MUSK: variants seen among roughly 807,000 people sequenced by gnomAD.
The protein encoded by MUSK is muscle, skeletal receptor tyrosine-protein kinase.
A neutral mutation model predicts 88.7 loss-of-function variants in MUSK; 55 were observed. The observed-to-expected ratio is 0.62, with a 90% CI of 0.50 to 0.78. The LOEUF is 0.78. Among genes scored for constraint, MUSK ranks in the 30% least tolerant of loss-of-function variants. The pLI is 0.00. For missense variants in MUSK, 1,015 were observed against 1,074.3 expected, an observed-to-expected ratio of 0.94 and a Z score of 0.77; for synonymous variants, 387 against 391.9, an observed-to-expected ratio of 0.99 and a Z score of 0.15.
rs773129976 is a variant in MUSK, at chr9:110,800,999, G to A, written c.*11G>A. The A allele has an allele frequency of 1.0e-5, 15 of 1,500,412 alleles. No individual in the cohort carries two copies. The highest frequency in any genetic ancestry group is 1.8e-4 in the Middle Eastern group (1 of 5,570). 92.9% of individuals were successfully genotyped at this position (1,500,412 alleles called of 1,614,324 possible). Reference sequence around the variant, plus strand: ...ACTGTGAGTGTCTAAGGTTGAAGACGTTCAAATAAAATGCTGCAGTTTCCT... The same window carrying A: ...ACTGTGAGTGTCTAAGGTTGAAGACATTCAAATAAAATGCTGCAGTTTCCT... On this transcript the variant is annotated 3_prime_UTR_variant, in exon 15 of 15. Transcript: ENST00000374448.
intron 14 of MUSK, among the ~76,000 whole-genome samples, chr9:110,797,320 G>A (rs2078024769): frequency 6.6e-6 from 1 of 151,886 alleles, no homozygotes; most frequent in Admixed American, 6.6e-5. Flanking sequence ...GGGGTCAAAG[G>A]ATTTTTAGAG....
At chr9:110,748,109 C>T (rs2077199518) in intron 7 of MUSK, 1 of 457,488 alleles carries the variant, frequency 2.2e-6, no homozygotes. Context: ...TTCCTCCCTC[C>T]CTCCTTCCCT....
Position 110,668,828 on chromosome 9 carries a change from T to G in MUSK, c.-77T>G. On this transcript the variant is annotated 5_prime_UTR_variant, in exon 1 of 15. Coordinates refer to ENST00000374448, the MANE Select transcript of MUSK (RefSeq NM_005592.4). The stretch of plus-strand genomic sequence containing the variant: ...ACAACCCTTTTGCAACAAAGTATGC[T>G]TTAAAATGTAAACTGTGGAGCCATT... 1 of 1,166,096 alleles carries G rather than the reference T, an allele frequency of 8.6e-7. No homozygotes were observed. Among genetic ancestry groups the G allele is most frequent in the Non-Finnish European group, 1.3e-6 (1 of 776,990 alleles). 72.2% of individuals were successfully genotyped at this position (1,166,096 alleles called of 1,614,324 possible). A position where few individuals can be genotyped will look rare whatever the true frequency, so the allele number is the denominator to read the frequency against.
intron 5 of MUSK, among the ~76,000 whole-genome samples, chr9:110,707,037 A>AAGAGAGAG (rs139192477): frequency 6.7e-6 from 1 of 148,162 alleles, no homozygotes; most frequent in African/African-American, 2.5e-5. Context: ...GAAACAAATA[A>AAGAGAGAG]AGAGAGAGAG....
rs377682206 is a variant in MUSK, at chr9:110,787,665, C to G, written c.1779-25C>G. 6 of 1,607,702 alleles carry G rather than the reference C, an allele frequency of 3.7e-6. No individual in the cohort carries two copies. The African/African-American group carries it at 8.1e-5, about 22-fold the overall frequency. Reference sequence around the variant, plus strand: ...ATATGATGTCCATGATCTTTGGTTTCTTTTTCAATAAATGTATCTCTCAGG... The same window carrying G: ...ATATGATGTCCATGATCTTTGGTTTGTTTTTCAATAAATGTATCTCTCAGG... On this transcript the variant is annotated intron_variant, in intron 13 of 14. Transcript: ENST00000374448.
At chr9:110,762,952 A>G (rs1398075929) in intron 8 of MUSK, among the ~76,000 whole-genome samples, 2 of 152,198 alleles carry the variant, frequency 1.3e-5, no homozygotes, top group Non-Finnish European at 2.9e-5. Context: ...CTTGACAACC[A>G]CTGAGAATAG....
chr9:110,686,724 C>G (rs1483445653), intron 2 of MUSK, among the ~76,000 whole-genome samples: 1 of 152,122 alleles, frequency 6.6e-6, no homozygotes, highest in East Asian at 1.9e-4. Context: ...AGTAATTAAC[C>G]CTTTCTGTTC....
chr9:110,732,650 G>A (rs2076980458), intron 5 of MUSK, among the ~76,000 whole-genome samples: 1 of 151,918 alleles, frequency 6.6e-6, no homozygotes, highest in African/African-American at 2.4e-5. Flanking sequence ...ATTGTTAATT[G>A]GACCCCAGGA....
intron 3 of MUSK, among the ~76,000 whole-genome samples, chr9:110,688,771 A>G (rs1587899751): frequency 1.3e-5 from 2 of 151,996 alleles, no homozygotes; most frequent in South Asian, 2.1e-4. Context: ...AACTCCATCC[A>G]TGTCCCTGCA....
chr9:110,734,931 G>A (rs888217475), intron 6 of MUSK, among the ~76,000 whole-genome samples: 1 of 152,084 alleles, frequency 6.6e-6, no homozygotes, highest in Admixed American at 6.6e-5. Flanking sequence ...TGTGGATACA[G>A]GAGTAAACAA....
At chr9:110,725,606 T>C (rs1181556431) in intron 5 of MUSK, among the ~76,000 whole-genome samples, 1 of 151,968 alleles carries the variant, frequency 6.6e-6, no homozygotes, top group East Asian at 1.9e-4. Flanking sequence ...CAAAATAGGA[T>C]GAAAATGCCC....
chr9:110,761,760 G>A (rs1259773637), intron 7 of MUSK, among the ~76,000 whole-genome samples: 1 of 151,344 alleles, frequency 6.6e-6, no homozygotes, highest in African/African-American at 2.4e-5. Flanking sequence ...ATTTTTAGTA[G>A]AGATGGGGTT....
chr9:110,698,225 A>AT (rs1242129213), intron 5 of MUSK, among the ~76,000 whole-genome samples: 6 of 152,148 alleles, frequency 3.9e-5, no homozygotes, highest in Non-Finnish European at 7.4e-5. Flanking sequence ...GAGAATTAAC[A>AT]TTTTTGGCTC....
chr9:110,675,188 G>A (rs892313850), intron 1 of MUSK, among the ~76,000 whole-genome samples: 2 of 146,332 alleles, frequency 1.4e-5, no homozygotes, highest in East Asian at 2.0e-4. Context: ...GCTGGGATGT[G>A]AATTCAAGTC....
At chr9:110,716,944 A>G (rs1022719276) in intron 5 of MUSK, among the ~76,000 whole-genome samples, 13 of 149,754 alleles carry the variant, frequency 8.7e-5, no homozygotes, top group Admixed American at 7.3e-4. Flanking sequence ...TATCATTACC[A>G]CATTTTTCCT....
At chr9:110,675,562 C>CTTTTTTTTTTTT in intron 1 of MUSK, among the ~76,000 whole-genome samples, 1 of 61,614 alleles carries the variant, frequency 1.6e-5, no homozygotes, top group Non-Finnish European at 2.8e-5. Context: ...ATAGTCTTCC[C>CTTTTTTTTTTTT]TTTTTTTTTT....
chr9:110,687,577 C>T (rs569804862), intron 3 of MUSK, among the ~76,000 whole-genome samples: 34 of 152,134 alleles, frequency 2.2e-4, no homozygotes, highest in African/African-American at 7.9e-4. Context: ...TCTGGTGATC[C>T]GCCCACCTTG....
chr9:110,777,489 A>G (rs947310264), intron 11 of MUSK, among the ~76,000 whole-genome samples: 1 of 152,138 alleles, frequency 6.6e-6, no homozygotes, highest in African/African-American at 2.4e-5. Context: ...CAGAGGTATT[A>G]AACAAGAAGA....
chr9:110,701,189 G>A (rs1228529245), intron 5 of MUSK, among the ~76,000 whole-genome samples: 1 of 152,110 alleles, frequency 6.6e-6, no homozygotes, highest in East Asian at 1.9e-4. Flanking sequence ...AGGATTGTAG[G>A]GCAGCATTAA....
Sources: gnomAD v4.1 joint callset for allele counts (sites outside exome capture counted in the v4.1 genomes callset) on GRCh38, gnomAD v4.1.1 for gene constraint, MANE v1.5 for transcripts, NCBI Gene and HGNC (gene_info 2026-07-23, HGNC 2026-07-21) for gene names.